The following SLC9A9 variants were observed in gnomAD, a reference collection of about 807,000 sequenced individuals.
SLC9A9 encodes sodium/hydrogen exchanger 9.
SLC9A9 carries 62 observed loss-of-function variants against 77.8 expected under a neutral mutation model. The observed-to-expected ratio is 0.80, with a 90% CI of 0.65 to 0.98. The LOEUF is 0.98. Ranked by LOEUF, SLC9A9 falls within the 50% of genes least tolerant of loss-of-function variation. The pLI, the probability that SLC9A9 is intolerant of heterozygous loss-of-function variation, is 0.00. For missense variants in SLC9A9, 775 were observed against 774.9 expected (o/e 1.00, Z 0.00); for synonymous variants, 320 against 283.5 (o/e 1.13, Z -1.29).
intron 13 of SLC9A9, among the ~76,000 whole-genome samples, chr3:143,376,527 G>T (rs985663630): frequency 1.1e-4 from 16 of 152,328 alleles, no homozygotes; most frequent in African/African-American, 3.8e-4. Context: ...ATACACATAG[G>T]TATATAATTG....
chr3:143,516,484 G>T (rs753009360), intron 9 of SLC9A9, among the ~76,000 whole-genome samples: 1 of 152,014 alleles, frequency 6.6e-6, no homozygotes, highest in Admixed American at 6.5e-5. Flanking sequence ...AAACATTAAA[G>T]GATATAAATG....
chr3:143,339,712 G>C (rs1026748181), intron 14 of SLC9A9, among the ~76,000 whole-genome samples: 3 of 152,118 alleles, frequency 2.0e-5, no homozygotes, highest in Non-Finnish European at 4.4e-5. Context: ...CTATACTCTG[G>C]AATACTCAAT....
chr3:143,369,243 G>C (rs1028987123), intron 13 of SLC9A9, among the ~76,000 whole-genome samples: 1 of 152,138 alleles, frequency 6.6e-6, no homozygotes, highest in East Asian at 1.9e-4. Flanking sequence ...AATTATGGTG[G>C]TCTTAAAGTG....
chr3:143,438,373 C>T (rs1339597856), intron 12 of SLC9A9, among the ~76,000 whole-genome samples: 1 of 152,140 alleles, frequency 6.6e-6, no homozygotes, highest in Non-Finnish European at 1.5e-5. Context: ...GCCCAGAGTT[C>T]TGTGTTTAAG....
chr3:143,514,260 C>G (rs9869026), intron 9 of SLC9A9, among the ~76,000 whole-genome samples: 51,364 of 151,046 alleles, frequency 0.34, 9,545 homozygotes, highest in Non-Finnish European at 0.44. Context: ...TTTCTTCAAA[C>G]AAACCATGCT....
At chr3:143,719,633 C>T (rs138560089) in intron 4 of SLC9A9, among the ~76,000 whole-genome samples, 309 of 152,288 alleles carry the variant, frequency 2.0e-3, no homozygotes, top group Non-Finnish European at 3.6e-3. Context: ...ATATCTTCAA[C>T]GCCTAGGTCA....
intron 4 of SLC9A9, among the ~76,000 whole-genome samples, chr3:143,791,249 G>A (rs2008215097): frequency 6.6e-6 from 1 of 152,182 alleles, no homozygotes; most frequent in Non-Finnish European, 1.5e-5. Flanking sequence ...CAACTTTCTT[G>A]CCAGAAGGAA....
Position 143,831,942 on chromosome 3 carries a change from A to G in SLC9A9, c.378+77T>C, listed in dbSNP as rs186484929. 3.6e-5 allele frequency: 49 copies of G among 1,358,836 alleles called. No individual in the cohort carries two copies. In the African/African-American group the frequency reaches 6.7e-4, roughly 19 times the overall value. The allele number at this position is 1,358,836 out of a possible 1,614,324, so 84.2% of individuals were successfully genotyped here. On this transcript the variant is annotated intron_variant, in intron 2 of 15. Transcript: ENST00000316549. ...ATATGTGTGTGTGAATGCATTATAT[A>G]AAAAGTATAAAGGCTCAAATATGAT... is the stretch of plus-strand genomic sequence containing the variant.
intron 9 of SLC9A9, among the ~76,000 whole-genome samples, chr3:143,526,421 A>C (rs2036406661): frequency 6.6e-6 from 1 of 152,222 alleles, no homozygotes; most frequent in African/African-American, 2.4e-5. Flanking sequence ...GTAATAGCCC[A>C]GCAATTCCAG....
intron 7 of SLC9A9, 105 bp downstream of exon 7, chr3:143,578,480 C>T (rs778726897): frequency 6.4e-7 from 1 of 1,555,926 alleles, no homozygotes; most frequent in Non-Finnish European, 8.8e-7. Flanking sequence ...TTGGACCAGA[C>T]TATCTAGCCT....
At chr3:143,679,042 G>A (rs1932989919) in intron 5 of SLC9A9, among the ~76,000 whole-genome samples, 1 of 151,846 alleles carries the variant, frequency 6.6e-6, no homozygotes, top group Admixed American at 6.6e-5. Flanking sequence ...TGAGAGGGGT[G>A]GGAAAGAGGT....
chr3:143,397,152 T>C (rs541045010), intron 12 of SLC9A9, among the ~76,000 whole-genome samples: 16 of 152,334 alleles, frequency 1.1e-4, no homozygotes, highest in African/African-American at 3.4e-4. Flanking sequence ...GACTGATTTC[T>C]TTTGACCTAA....
intron 12 of SLC9A9, among the ~76,000 whole-genome samples, chr3:143,399,014 CACAT>C (rs2033791838): frequency 2.0e-5 from 3 of 152,030 alleles, no homozygotes; most frequent in African/African-American, 7.2e-5. Context: ...CACATACACA[CACAT>C]ACATATATAT....
rs57705324 is a variant in SLC9A9, at chr3:143,370,567, G to GCACACACACACACACACA, written c.1525-7022_1525-7005dup. 9.3e-4 allele frequency among the ~76,000 whole-genome samples: 133 copies of GCACACACACACACACACA among 143,418 alleles called. 1 individual carries two copies. The highest frequency in any genetic ancestry group is 1.7e-3 in the African/African-American group (66 of 38,792). The allele number at this position is 143,418 out of a possible 152,430, so 94.1% of individuals were successfully genotyped here. On this transcript the variant is annotated intron_variant, in intron 13 of 15. Transcript: ENST00000316549. Reference sequence around the variant, plus strand: ...TGTACACAAGTATATGCATGTGCGCGCACACACACACACACACACACACAC... The same window carrying GCACACACACACACACACA: ...TGTACACAAGTATATGCATGTGCGCGCACACACACACACACACACACACACACACACACACACACACAC...
chr3:143,506,320 C>G (rs999171751), intron 9 of SLC9A9, among the ~76,000 whole-genome samples: 11 of 152,298 alleles, frequency 7.2e-5, no homozygotes, highest in African/African-American at 2.4e-4. Context: ...TGAACATTGC[C>G]AAAGGCAGAA....
intron 12 of SLC9A9, among the ~76,000 whole-genome samples, chr3:143,397,183 C>T (rs1162650470): frequency 6.6e-6 from 1 of 152,200 alleles, no homozygotes; most frequent in Non-Finnish European, 1.5e-5. Context: ...TACTGACATC[C>T]TTTGGTAGGA....
intron 6 of SLC9A9, among the ~76,000 whole-genome samples, chr3:143,592,746 A>G (rs2037673114): frequency 2.0e-5 from 3 of 152,140 alleles, no homozygotes; most frequent in Non-Finnish European, 4.4e-5. Context: ...TCAATACATC[A>G]AAGGTCATCT....
intron 14 of SLC9A9, among the ~76,000 whole-genome samples, chr3:143,357,925 T>C (rs2032637469): frequency 6.6e-6 from 1 of 152,044 alleles, no homozygotes; most frequent in Non-Finnish European, 1.5e-5. Context: ...AAAATGGAAA[T>C]TGCTGTTCAC....
rs79818589 is a variant in SLC9A9 at position 143,759,741 on chromosome 3, T to C, written c.533+35260A>G. Among the ~76,000 whole-genome samples the C allele has an allele frequency of 4.6e-5, 7 of 152,206 alleles. No individual in the cohort carries two copies. In the East Asian group the frequency reaches 1.2e-3, roughly 25 times the overall value. On this transcript the variant is annotated intron_variant, in intron 4 of 15. Coordinates refer to ENST00000316549, the MANE Select transcript of SLC9A9 (RefSeq NM_173653.4). The stretch of plus-strand genomic sequence containing the variant: ...ATACAGACCTCCAATGTATGGTTTC[T>C]ATCTCCCCATATTTATTTTACTATC...
Sources: allele counts gnomAD v4.1 joint callset (sites outside exome capture counted in the v4.1 genomes callset), GRCh38; gene constraint gnomAD v4.1.1; transcripts MANE v1.5; gene names NCBI Gene and HGNC (gene_info 2026-07-23, HGNC 2026-07-21).